RASA3: variants seen among roughly 807,000 people sequenced by gnomAD.
RASA3 encodes ras GTPase-activating protein 3.
RASA3 carries 73 observed loss-of-function variants against 110.0 expected under a neutral mutation model. That is an observed-to-expected ratio of 0.66 (90% CI 0.55 to 0.81). The LOEUF is 0.81. Ranked by LOEUF, RASA3 falls within the 30% of genes least tolerant of loss-of-function variation. The pLI is 0.00. For missense variants in RASA3, 976 were observed against 1,113.2 expected, an observed-to-expected ratio of 0.88 and a Z score of 1.75; for synonymous variants, 500 against 451.4, an observed-to-expected ratio of 1.11 and a Z score of -1.37.
At chr13:114,037,234 C>G (rs1234753087) in intron 4 of RASA3, among the ~76,000 whole-genome samples, 1 of 152,214 alleles carries the variant, frequency 6.6e-6, no homozygotes, top group Non-Finnish European at 1.5e-5. Flanking sequence ...ATGGTGGTTA[C>G]ACTATCTACC....
chr13:114,010,331 C>T (rs964943058), intron 16 of RASA3, among the ~76,000 whole-genome samples: 13 of 152,020 alleles, frequency 8.6e-5, no homozygotes, highest in Non-Finnish European at 1.3e-4. Context: ...CAGACGGAGC[C>T]CCGAGGGGGC....
intron 4 of RASA3, among the ~76,000 whole-genome samples, chr13:114,033,792 C>T (rs917778720): frequency 6.6e-6 from 1 of 152,256 alleles, no homozygotes; most frequent in Non-Finnish European, 1.5e-5. Flanking sequence ...ACTCTGGGGT[C>T]TGGAGGTTGG....
chr13:114,079,883 C>A (rs971944885), intron 1 of RASA3, among the ~76,000 whole-genome samples: 1 of 151,168 alleles, frequency 6.6e-6, no homozygotes, highest in African/African-American at 2.4e-5. Flanking sequence ...TCTCGGTGGG[C>A]TGACTGCGGT....
chr13:114,066,661 C>T (rs1350581716), intron 2 of RASA3, among the ~76,000 whole-genome samples: 3 of 152,202 alleles, frequency 2.0e-5, no homozygotes, highest in African/African-American at 4.8e-5. Context: ...TCATGCTCTC[C>T]GCCGGCTGAG....
At chr13:114,111,651 G>A (rs189996738) in intron 1 of RASA3, among the ~76,000 whole-genome samples, 2 of 152,392 alleles carry the variant, frequency 1.3e-5, no homozygotes, top group Admixed American at 6.5e-5. Context: ...GGAGGGAAAC[G>A]TCACTTCCTG....
rs999681357 is a variant in RASA3 at position 114,014,248 on chromosome 13, C to A, written c.1405+961G>T. On this transcript the variant is annotated intron_variant, in intron 14 of 23. Transcript: ENST00000334062. The surrounding 1 kb of genome is among the most constrained non-coding windows in gnomAD (Gnocchi z 4.5). ...GTGTCTCATTCCACAGTGGTCTGTGCTCATCTGGGTGAGAGGATGTGTTTT... is the reference window on the plus strand; with the variant it reads ...GTGTCTCATTCCACAGTGGTCTGTGATCATCTGGGTGAGAGGATGTGTTTT... Among the ~76,000 whole-genome samples the A allele has an allele frequency of 5.9e-5, 9 of 152,322 alleles. No homozygotes were observed. Among genetic ancestry groups the A allele is most frequent in the Admixed American group, 3.3e-4 (5 of 15,298 alleles).
chr13:114,098,336 G>A (rs1276793749), intron 1 of RASA3, among the ~76,000 whole-genome samples: 5 of 152,280 alleles, frequency 3.3e-5, no homozygotes, highest in South Asian at 2.1e-4. Context: ...ACCCAGGTGC[G>A]GGTCAGCAGG....
In RASA3 at chr13:113,996,126, G is replaced by A. The variant is rs545477050; in HGVS notation, c.2141+405C>T. On this transcript the variant is annotated intron_variant, in intron 21 of 23. Transcript: ENST00000334062. ...GACCCGGCTGATGGGGGGCCGGGAA[G>A]ACAACGGGCTGCTGCGTCATGTGGA... Among the ~76,000 whole-genome samples, 3 of 152,182 alleles carry A rather than the reference G, an allele frequency of 2.0e-5. No homozygotes were observed. In the South Asian group the frequency reaches 6.2e-4, roughly 32 times the overall value.
intron 16 of RASA3, among the ~76,000 whole-genome samples, chr13:114,010,280 C>T (rs2053602775): frequency 6.6e-6 from 1 of 152,096 alleles, no homozygotes; most frequent in South Asian, 2.1e-4. Context: ...AACAGGGAAC[C>T]AGGAGGCCTG....
intron 4 of RASA3, among the ~76,000 whole-genome samples, chr13:114,036,393 G>C (rs1051269005): frequency 6.6e-6 from 1 of 152,220 alleles, no homozygotes; most frequent in African/African-American, 2.4e-5. Context: ...CTCGCTGTCC[G>C]GACACAGGAC....
chr13:114,043,224 C>T (rs2054453507), intron 3 of RASA3, among the ~76,000 whole-genome samples: 1 of 152,178 alleles, frequency 6.6e-6, no homozygotes, highest in Non-Finnish European at 1.5e-5. Context: ...CACCACATGG[C>T]CACAGGACAT....
In RASA3 at chr13:114,123,902, G is replaced by A. The variant is rs996204570; in HGVS notation, c.55+8533C>T. ...CCTATGGGCAGTCAGGGCCAAGACA[G>A]ATGATTCTTTACAGGTTGGAAATTA... On this transcript the variant is annotated intron_variant, in intron 1 of 23. Transcript: ENST00000334062. 1.2e-4 allele frequency among the ~76,000 whole-genome samples: 18 copies of A among 152,262 alleles called. 1 individual carries two copies. The East Asian group carries it at 3.5e-3, about 29-fold the overall frequency.
Position 114,096,267 on chromosome 13 carries a change from G to C in RASA3, c.56-22430C>G, listed in dbSNP as rs963788965. On this transcript the variant is annotated intron_variant, in intron 1 of 23. Coordinates refer to ENST00000334062, the MANE Select transcript of RASA3 (RefSeq NM_007368.4). This position sits in a 1 kb window ranked among gnomAD's most constrained non-coding sequence, Gnocchi z 5.1. ...GAGTCCACGTTCTCGAAAATGCAGG[G>C]TGACCCTGGCGCAGGATCGGGTCTG... Among the ~76,000 whole-genome samples, 2 of 152,210 alleles carry C rather than the reference G, an allele frequency of 1.3e-5. No individual in the cohort carries two copies. The highest frequency in any genetic ancestry group is 4.8e-5 in the African/African-American group (2 of 41,458).
At chr13:114,035,258 G>C (rs2054257862) in intron 4 of RASA3, among the ~76,000 whole-genome samples, 1 of 152,224 alleles carries the variant, frequency 6.6e-6, no homozygotes, top group African/African-American at 2.4e-5. Flanking sequence ...AAGGGAAAAG[G>C]CACAAATTCC....
At chr13:114,100,879 G>A (rs2080051374) in intron 1 of RASA3, among the ~76,000 whole-genome samples, 2 of 152,336 alleles carry the variant, frequency 1.3e-5, no homozygotes, top group African/African-American at 4.8e-5. Flanking sequence ...TGGACTGCGG[G>A]GCCTCAACTG....
At chr13:114,050,870 T>C (rs991432144) in intron 3 of RASA3, among the ~76,000 whole-genome samples, 3 of 152,210 alleles carry the variant, frequency 2.0e-5, no homozygotes, top group Admixed American at 6.5e-5. Context: ...CTCACTTCTG[T>C]GTGCCAAGCA....
At position 114,078,138 on chromosome 13, in the gene RASA3, C is replaced by T. The variant is rs73567402; in HGVS notation, c.56-4301G>A. On this transcript the variant is annotated intron_variant, in intron 1 of 23. Coordinates refer to ENST00000334062, the MANE Select transcript of RASA3 (RefSeq NM_007368.4). ...GCAGCACGGCCTGGCCACGTCGCCC[C>T]GGGGCCTCGCCGTGTGTGCCACATG... Among the ~76,000 whole-genome samples the T allele has an allele frequency of 5.9e-3, 895 of 152,328 alleles. 9 individuals carry two copies. Among genetic ancestry groups the T allele is most frequent in the African/African-American group, 0.02 (844 of 41,566 alleles).
At chr13:114,090,315 T>C (rs2079874730) in intron 1 of RASA3, among the ~76,000 whole-genome samples, 2 of 152,266 alleles carry the variant, frequency 1.3e-5, no homozygotes, top group Non-Finnish European at 2.9e-5. Context: ...TTTGGTTATA[T>C]ATTTGCTTTG....
At chr13:114,075,223 C>T (rs1329449882) in intron 1 of RASA3, among the ~76,000 whole-genome samples, 1 of 152,178 alleles carries the variant, frequency 6.6e-6, no homozygotes, top group East Asian at 1.9e-4. Context: ...ACCCCACTTC[C>T]GCCACTCCGC....
Sources: allele counts gnomAD v4.1 joint callset (sites outside exome capture counted in the v4.1 genomes callset), GRCh38; gene constraint gnomAD v4.1.1; non-coding constraint Gnocchi (gnomAD v3.1); transcripts MANE v1.5; gene names NCBI Gene and HGNC (gene_info 2026-07-23, HGNC 2026-07-21).